Variants in LHX1 observed in about 807,000 individuals in gnomAD.
LHX1 encodes the protein LIM homeobox 1.
LHX1 carries 9 observed loss-of-function variants against 34.1 expected under a neutral mutation model. The ratio of observed to expected loss-of-function variants is 0.26; its 90% CI spans 0.16 to 0.46. The LOEUF is 0.46. Ranked by LOEUF, LHX1 falls within the 20% of genes least tolerant of loss-of-function variation. The pLI is 1.00. For synonymous variants in LHX1, 254 were observed against 241.5 expected (o/e 1.05, Z -0.48); for missense variants, 446 against 559.1 (o/e 0.80, Z 2.04).
Position 36,940,631 on chromosome 17 carries a change from G to C in LHX1, c.419G>C (p.Ser140Thr), listed in dbSNP as rs761169550. ...TTAGCCACCACGGGCAGTGACCCCA[G>C]TTTGTCTCCGGATTCCCAAGACCCG... is the stretch of plus-strand genomic sequence containing the variant. The part of the protein sequence containing the change: ...LHSATTGSDP[S>T]LSPDSQDPSQ... The change falls in exon 3 of 5, where the codon AGT becomes ACT. Residue 140 changes from serine (S) to threonine (T), a missense_variant. Around this residue, in one of 3 missense-constraint regions of LHX1, gnomAD observed 168 missense variants for 226.6 expected, o/e 0.74. Coordinates refer to ENST00000614239, the MANE Select transcript of LHX1 (RefSeq NM_005568.5). 2.5e-6 allele frequency: 4 copies of C among 1,613,878 alleles called. No individual in the cohort carries two copies. In the South Asian group the frequency reaches 4.4e-5, roughly 18 times the overall value.
At chr17:36,938,686 CTG>C (rs2070745600) in intron 1 of LHX1, 1 of 490,948 alleles carries the variant, frequency 2.0e-6, no homozygotes, top group Non-Finnish European at 3.7e-6. Context: ...GCCCGGACTG[CTG>C]TCTTTCCCGG....
At chr17:36,942,055 C>G in intron 3 of LHX1, 145 bp from the exon 4 acceptor site, 1 of 757,420 alleles carries the variant, frequency 1.3e-6, no homozygotes, top group South Asian at 1.7e-5. Flanking sequence ...AGAGATCGCA[C>G]CGTCACCACT....
At chr17:36,940,018 G>T in intron 1 of LHX1, 1 of 588,498 alleles carries the variant, frequency 1.7e-6, no homozygotes, top group Non-Finnish European at 3.0e-6. Flanking sequence ...TTGGCGGGTA[G>T]CTTGGGCCCC....
In LHX1 at chr17:36,937,494, C is replaced by T. The variant is rs1468452334; in HGVS notation, c.-704C>T. The T allele has an allele frequency of 6.2e-6, 2 of 322,182 alleles. No individual in the cohort carries two copies. Among genetic ancestry groups the T allele is most frequent in the South Asian group, 4.6e-5 (2 of 43,662 alleles). The allele number at this position is 322,182 out of a possible 1,614,324, so 20.0% of individuals were successfully genotyped here. A position where few individuals can be genotyped will look rare whatever the true frequency, so the allele number is the denominator to read the frequency against. On this transcript the variant is annotated 5_prime_UTR_variant, in exon 1 of 5. Transcript: ENST00000614239. The stretch of plus-strand genomic sequence containing the variant: ...TCAACACCAAGATCTTCCTCCTACC[C>T]TCCCCTCTTTCCCTTCTCCCGCGGT...
At chr17:36,941,127 G>A in intron 3 of LHX1, 1 of 735,706 alleles carries the variant, frequency 1.4e-6, no homozygotes, top group East Asian at 2.7e-5. Context: ...AGGGACGGGA[G>A]TTCAGCCAGA....
Position 36,940,343 on chromosome 17 carries a change from T to C in LHX1, c.224T>C (p.Leu75Pro). The C allele has an allele frequency of 1.3e-6, 2 of 1,522,084 alleles. No individual in the cohort carries two copies. Among genetic ancestry groups the C allele is most frequent in the Non-Finnish European group, 1.8e-6 (2 of 1,130,960 alleles). The allele number at this position is 1,522,084 out of a possible 1,614,324, so 94.3% of individuals were successfully genotyped here. Residue 75 changes from leucine to proline, a missense_variant, in exon 2 of 5, where the codon CTG (leucine) becomes CCG (proline). Leu to Pro is a moderately conservative substitution (Grantham distance 98). Around this residue, in one of 3 missense-constraint regions of LHX1, gnomAD observed 168 missense variants for 226.6 expected, o/e 0.74. Coordinates refer to ENST00000614239, the MANE Select transcript of LHX1 (RefSeq NM_005568.5). ...GCTCAGGGCATCTCCCCTAGCGACC[T>C]GGTGCGGAGAGCGCGGAGCAAAGTG... is the stretch of plus-strand genomic sequence containing the variant. ...GCAQGISPSD[L>P]VRRARSKVFH...
In LHX1 at chr17:36,943,726, T is replaced by C. The variant is rs1156236888; in HGVS notation, c.*595T>C. On this transcript the variant is annotated 3_prime_UTR_variant, in exon 5 of 5. Transcript: ENST00000614239. The stretch of plus-strand genomic sequence containing the variant: ...TATATATATTTTTTGTCTATCTGGA[T>C]TTTTGGTTTTTGTTTTTGCCAAAAT... 6.6e-6 allele frequency: 1 copy of C among 152,214 alleles called. No homozygotes were observed. The highest frequency in any genetic ancestry group is 2.4e-5 in the African/African-American group (1 of 41,444). The allele number at this position is 152,214 out of a possible 1,614,324, so 9.4% of individuals were successfully genotyped here.
chr17:36,941,032 G>A (rs1232530985), intron 3 of LHX1, 145 bp downstream of exon 3: 5 of 1,271,986 alleles, frequency 3.9e-6, no homozygotes, highest in African/African-American at 1.5e-5. Flanking sequence ...CCGAGCCTGC[G>A]GGACCTATGA....
chr17:36,940,258 C>CCGGGGGGGGGGGG, intron 1 of LHX1, 32 bp from the exon 2 acceptor site: 1 of 528,898 alleles, frequency 1.9e-6, no homozygotes, highest in Non-Finnish European at 3.3e-6. Flanking sequence ...GACCCATCCC[C>CCGGGGGGGGGGGG]GCCCCCGCCC....
rs886236099 is a variant in LHX1 at position 36,942,823 on chromosome 17, G to T, written c.913G>T (p.Ala305Ser). The T allele has an allele frequency of 1.3e-6, 2 of 1,569,714 alleles. No homozygotes were observed. The highest frequency in any genetic ancestry group is 8.7e-7 in the Non-Finnish European group (1 of 1,153,220). ...CCCGCAAGGCCCCCCGTCCTCGCAG[G>T]CCCAGACACCAGTGGACCTACCCTT... ...FFPQGPPSSQ[A>S]QTPVDLPFVP... Residue 305 changes from alanine to serine, a missense_variant, in exon 5 of 5, where the codon GCC (alanine) becomes TCC (serine). This residue lies in a region of LHX1 where 235 missense variants were observed against 224.4 expected (regional missense o/e 1.05). Coordinates refer to ENST00000614239, the MANE Select transcript of LHX1 (RefSeq NM_005568.5).
rs980698172 is a variant in LHX1 at position 36,937,513 on chromosome 17, C to T, written c.-685C>T. On this transcript the variant is annotated 5_prime_UTR_variant, in exon 1 of 5. Transcript: ENST00000614239. ...CCTACCCTCCCCTCTTTCCCTTCTC[C>T]CGCGGTCGGCCCTCGCCCCCTCCCC... is the stretch of plus-strand genomic sequence containing the variant. 2 of 317,992 alleles carry T rather than the reference C, an allele frequency of 6.3e-6. No individual in the cohort carries two copies. The highest frequency in any genetic ancestry group is 2.4e-3 in the Middle Eastern group (2 of 824). 19.7% of individuals were successfully genotyped at this position (317,992 alleles called of 1,614,324 possible).
At chr17:36,942,139 G>A (rs2070768943) in intron 3 of LHX1, 61 bp from the exon 4 acceptor site, 2 of 1,524,434 alleles carry the variant, frequency 1.3e-6, no homozygotes, top group Non-Finnish European at 1.8e-6. Flanking sequence ...GGCTAGGCCC[G>A]GAGCACCCCG....
intron 4 of LHX1, 145 bp downstream of exon 4, chr17:36,942,510 G>C: frequency 1.0e-6 from 1 of 974,138 alleles, no homozygotes; most frequent in Non-Finnish European, 1.5e-6. Context: ...GTAAATCAAG[G>C]GGAGGCGGCG....
Position 36,940,306 on chromosome 17 carries a change from T to A in LHX1, c.187T>A (p.Cys63Ser). ...NDFFRCFGTK[C>S]AGCAQGISPS... ...CCCCCGCAGGTGTTTCGGTACCAAATGCGCAGGCTGCGCTCAGGGCATCTC... is the reference window on the plus strand; with the variant it reads ...CCCCCGCAGGTGTTTCGGTACCAAAAGCGCAGGCTGCGCTCAGGGCATCTC... Residue 63 changes from cysteine to serine, a missense_variant, in exon 2 of 5, where the codon TGC (cysteine) becomes AGC (serine). By Grantham distance (112) the Cys-to-Ser change is moderately radical. Transcript: ENST00000614239. The A allele has an allele frequency of 8.7e-7, 1 of 1,149,136 alleles. No individual in the cohort carries two copies. Among genetic ancestry groups the A allele is most frequent in the Non-Finnish European group, 1.2e-6 (1 of 864,536 alleles). The allele number at this position is 1,149,136 out of a possible 1,614,324, so 71.2% of individuals were successfully genotyped here. A position where few individuals can be genotyped will look rare whatever the true frequency, so the allele number is the denominator to read the frequency against.
intron 4 of LHX1, 23 bp from the exon 5 acceptor site, chr17:36,942,729 G>C (rs1271493447): frequency 6.8e-7 from 1 of 1,475,244 alleles, no homozygotes; most frequent in Non-Finnish European, 9.0e-7. Flanking sequence ...CTGACGTCCT[G>C]CGCCCTCCCC....
In LHX1 at chr17:36,942,890, T is replaced by C. The variant is rs1327019980; in HGVS notation, c.980T>C (p.Leu327Pro). The C allele has an allele frequency of 6.3e-7, 1 of 1,595,510 alleles. No individual in the cohort carries two copies. Among genetic ancestry groups the C allele is most frequent in the South Asian group, 1.1e-5 (1 of 89,110 alleles). ...CCGTCCGGGACGCCCCTGGGTGGCCTGGAGCACCCGCTGCCGGGCCACCAC... is the reference window on the plus strand; with the variant it reads ...CCGTCCGGGACGCCCCTGGGTGGCCCGGAGCACCCGCTGCCGGGCCACCAC... Reference protein sequence around the residue: ...SGPSGTPLGGLEHPLPGHHPS... With the variant: ...SGPSGTPLGGPEHPLPGHHPS... Residue 327 changes from leucine (L) to proline (P), a missense_variant, in exon 5 of 5, where the codon CTG becomes CCG. Coordinates refer to ENST00000614239, the MANE Select transcript of LHX1 (RefSeq NM_005568.5).
Position 36,942,271 on chromosome 17 carries a change from C to T in LHX1, c.747C>T (p.His249=). The part of the protein sequence containing the change: ...KQLSALGARR[H]AFFRSPRRMR... The stretch of plus-strand genomic sequence containing the variant: ...TGAGCGCCCTGGGCGCCCGGCGCCA[C>T]GCCTTCTTCCGCAGTCCGCGCCGGA... The change falls in exon 4 of 5, where the codon CAC becomes CAT. Residue 249 remains histidine, a synonymous_variant. Transcript: ENST00000614239. 1.3e-6 allele frequency: 2 copies of T among 1,598,332 alleles called. No homozygotes were observed. The highest frequency in any genetic ancestry group is 1.7e-6 in the Non-Finnish European group (2 of 1,174,256).
upstream of LHX1, chr17:36,937,080 A>C: frequency 3.0e-6 from 1 of 332,750 alleles, no homozygotes; most frequent in South Asian, 2.1e-5. Context: ...AAGGAAACCC[A>C]GATTTGCCAC....
rs1362571323 is a variant in LHX1 at position 36,944,245 on chromosome 17, CA to C, written c.*1115del. 2 of 143,852 alleles carry C rather than the reference CA, an allele frequency of 1.4e-5. No individual in the cohort carries two copies. The highest frequency in any genetic ancestry group is 1.4e-4 in the Admixed American group (2 of 14,280). The allele number at this position is 143,852 out of a possible 1,614,324, so 8.9% of individuals were successfully genotyped here. ...CAAATACTGTAAAGGTGCCTGGCAC[CA>C]GCAACCTGAGAAAGTGTTAAAAAAA... On this transcript the variant is annotated 3_prime_UTR_variant, in exon 5 of 5. Transcript: ENST00000614239.
Sources: allele counts gnomAD v4.1 joint callset, GRCh38; gene constraint gnomAD v4.1.1; regional missense constraint gnomAD v4.1.1; transcripts MANE v1.5; gene names NCBI Gene and HGNC (gene_info 2026-07-23, HGNC 2026-07-21).